The following CLCN1 variants were observed in gnomAD, a reference collection of about 807,000 sequenced individuals.
CLCN1 encodes chloride voltage-gated channel 1, also known as chloride channel protein 1.
In CLCN1, 100 loss-of-function variants were observed where a neutral mutation model predicts 114.5. The observed-to-expected ratio is 0.87, with a 90% CI of 0.74 to 1.03. CLCN1 has a LOEUF of 1.03. CLCN1 is among the 50% of genes least tolerant of loss of function. CLCN1 has a pLI of 0.00. For synonymous variants in CLCN1, 485 were observed against 487.1 expected, an observed-to-expected ratio of 1.00 and a Z score of 0.06; for missense variants, 1,188 against 1,250.0, an observed-to-expected ratio of 0.95 and a Z score of 0.75.
Position 143,327,799 on chromosome 7 carries a change from G to A in CLCN1, c.854-2973G>A, listed in dbSNP as rs113358247. Reference sequence around the variant, plus strand: ...CCTCCCAGCAGCTGGGACTACATGCGCACGCCACTATGCCTGGCTAATTTT... The same window carrying A: ...CCTCCCAGCAGCTGGGACTACATGCACACGCCACTATGCCTGGCTAATTTT... On this transcript the variant is annotated intron_variant, in intron 7 of 22. Coordinates refer to ENST00000343257, the MANE Select transcript of CLCN1 (RefSeq NM_000083.3). 1.9e-4 allele frequency among the ~76,000 whole-genome samples: 29 copies of A among 152,218 alleles called. No homozygotes were observed. In the East Asian group the frequency reaches 3.5e-3, roughly 18 times the overall value.
intron 10 of CLCN1, 45 bp from the exon 11 acceptor site, chr7:143,332,374 T>C (rs1486921199): frequency 1.4e-6 from 2 of 1,425,228 alleles, no homozygotes; most frequent in East Asian, 4.5e-5. Flanking sequence ...TGGTATTTAC[T>C]GTGAGTTGGC....
At chr7:143,345,968 G>A (rs546012950) in intron 17 of CLCN1, among the ~76,000 whole-genome samples, 172 bp from the exon 18 acceptor site, 1 of 152,256 alleles carries the variant, frequency 6.6e-6, no homozygotes, top group African/African-American at 2.4e-5. Context: ...AGGGACTAAA[G>A]AAGATAAGGT....
chr7:143,320,973 T>C (rs924163827), intron 3 of CLCN1, among the ~76,000 whole-genome samples, 178 bp downstream of exon 3: 3 of 152,130 alleles, frequency 2.0e-5, no homozygotes, highest in Non-Finnish European at 4.4e-5. Context: ...CCTGCTCCAC[T>C]TCTCACGCCC....
chr7:143,349,845 AG>A (rs1321312500), intron 20 of CLCN1, among the ~76,000 whole-genome samples: 8 of 152,246 alleles, frequency 5.3e-5, no homozygotes, highest in Admixed American at 3.9e-4. Context: ...ATTTCTGAAA[AG>A]GTGAGACCAG....
In CLCN1 at chr7:143,345,592, G is replaced by C. The variant is rs1032211764; in HGVS notation, c.2002G>C (p.Glu668Gln). The C allele has an allele frequency of 6.4e-7, 1 of 1,552,350 alleles. No individual in the cohort carries two copies. The highest frequency in any genetic ancestry group is 1.4e-5 in the African/African-American group (1 of 73,266). ...CCTCCTGCAGCGCCACCTGTGTCCT[G>C]AGCGCAGGCTGCGCGCAGCCCAAGA... ...QALLQRHLCP[E>Q]RRLRAAQEMA... The change falls in exon 17 of 23, where the codon GAG becomes CAG. Residue 668 changes from glutamate (E) to glutamine (Q), a missense_variant. Transcript: ENST00000343257.
intron 1 of CLCN1, among the ~76,000 whole-genome samples, chr7:143,316,855 A>C (rs1286226666): frequency 6.6e-6 from 1 of 152,262 alleles, no homozygotes; most frequent in African/African-American, 2.4e-5. Flanking sequence ...GAATTGGGCA[A>C]GTGTAGAAAA....
At chr7:143,345,398 C>A in intron 16 of CLCN1, 123 bp from the exon 17 acceptor site, 2 of 1,244,964 alleles carry the variant, frequency 1.6e-6, no homozygotes, top group Non-Finnish European at 2.2e-6. Flanking sequence ...TTCCAGGAAG[C>A]TGAGAAAGAT....
chr7:143,318,808 T>G (rs1802354388), intron 1 of CLCN1, among the ~76,000 whole-genome samples: 2 of 152,184 alleles, frequency 1.3e-5, no homozygotes, highest in African/African-American at 4.8e-5. Flanking sequence ...AAGGAAACAC[T>G]GCCTCCCTCG....
intron 20 of CLCN1, among the ~76,000 whole-genome samples, chr7:143,348,555 GA>G (rs900119440): frequency 2.6e-5 from 4 of 152,050 alleles, no homozygotes; most frequent in African/African-American, 9.7e-5. Context: ...AGACATTTTA[GA>G]GGGATAAGAT....
chr7:143,322,837 C>A (rs540050409), intron 5 of CLCN1, among the ~76,000 whole-genome samples: 12 of 152,244 alleles, frequency 7.9e-5, no homozygotes, highest in African/African-American at 2.4e-4. Context: ...GAACTTCTTG[C>A]GTGGCCTTCG....
intron 16 of CLCN1, 142 bp from the exon 17 acceptor site, chr7:143,345,378 TA>T: frequency 8.8e-7 from 1 of 1,135,018 alleles, no homozygotes. Flanking sequence ...GGAGGATTCT[TA>T]AAATGAGTTT....
chr7:143,318,968 C>T (rs1802358493), intron 1 of CLCN1, among the ~76,000 whole-genome samples: 1 of 152,284 alleles, frequency 6.6e-6, no homozygotes, highest in Admixed American at 6.5e-5. Flanking sequence ...CTGGCCTGAC[C>T]CTGGCCCCAG....
At position 143,350,707 on chromosome 7, in the gene CLCN1, A is replaced by G; in HGVS notation, c.2595+53A>G. The G allele has an allele frequency of 7.6e-7, 1 of 1,316,074 alleles. No individual in the cohort carries two copies. The highest frequency in any genetic ancestry group is 1.1e-6 in the Non-Finnish European group (1 of 909,566). 81.5% of individuals were successfully genotyped at this position (1,316,074 alleles called of 1,614,324 possible). A position where few individuals can be genotyped will look rare whatever the true frequency, so the allele number is the denominator to read the frequency against. ...GCAGGAGGGAGGCTGGGCATAGGAT[A>G]AGGGGATGCAGTGGGGACAGAAGGA... On this transcript the variant is annotated intron_variant, in intron 22 of 22. Coordinates refer to ENST00000343257, the MANE Select transcript of CLCN1 (RefSeq NM_000083.3). This position sits in a 1 kb window ranked among gnomAD's most constrained non-coding sequence, Gnocchi z 5.1.
chr7:143,331,098 A>G (rs903248055), intron 8 of CLCN1, 134 bp from the exon 9 acceptor site: 2 of 1,053,380 alleles, frequency 1.9e-6, no homozygotes, highest in African/African-American at 3.1e-5. Flanking sequence ...TGCGTAGAAA[A>G]AAGGAAAATA....
chr7:143,341,896 C>CT, intron 14 of CLCN1, 33 bp from the exon 15 acceptor site: 1 of 1,576,294 alleles, frequency 6.3e-7, no homozygotes, highest in Non-Finnish European at 8.7e-7. Context: ...AACGGTAGCC[C>CT]TAACCTACAG....
In CLCN1 at chr7:143,316,356, G is replaced by A. The variant is rs560922211; in HGVS notation, c.144G>A (p.Lys48=). ...ENGGLQHRLR[K]DAGPRHNVHP... is the part of the protein sequence containing the mutation. The stretch of plus-strand genomic sequence containing the variant: ...GGGGCCTCCAGCACAGGCTCCGGAA[G>A]GATGCAGGCCCCCGCCACAACGTCC... Residue 48 remains lysine, a synonymous_variant, in exon 1 of 23, where the codon AAG becomes AAA. Transcript: ENST00000343257. 5 of 1,608,928 alleles carry A rather than the reference G, an allele frequency of 3.1e-6. No homozygotes were observed. In the South Asian group the frequency reaches 5.5e-5, roughly 18 times the overall value.
At position 143,317,578 on chromosome 7, in the gene CLCN1, T is replaced by TC. The variant is rs1364403947; in HGVS notation, c.180+1187dup. Among the ~76,000 whole-genome samples the TC allele has an allele frequency of 2.0e-5, 3 of 150,874 alleles. No homozygotes were observed. The East Asian group carries it at 5.8e-4, about 29-fold the overall frequency. On this transcript the variant is annotated intron_variant, in intron 1 of 22. Coordinates refer to ENST00000343257, the MANE Select transcript of CLCN1 (RefSeq NM_000083.3). ...AGAACTTAAAAGGCTTTTTTTTCTT[T>TC]CTTTTTTTTTTTTTTAACAGGGAGC...
intron 7 of CLCN1, among the ~76,000 whole-genome samples, chr7:143,326,572 G>T (rs887690081): frequency 6.6e-6 from 1 of 152,162 alleles, no homozygotes; most frequent in African/African-American, 2.4e-5. Flanking sequence ...GGGACCTTAT[G>T]CTAACCTGCC....
At chr7:143,345,442 T>C in intron 16 of CLCN1, 79 bp from the exon 17 acceptor site, 1 of 1,447,996 alleles carries the variant, frequency 6.9e-7, no homozygotes. Flanking sequence ...GCCTCTCCTG[T>C]TCCTTCTCAG....
Sources: allele counts gnomAD v4.1 joint callset (sites outside exome capture counted in the v4.1 genomes callset), GRCh38; gene constraint gnomAD v4.1.1; non-coding constraint Gnocchi (gnomAD v3.1); transcripts MANE v1.5; gene names NCBI Gene and HGNC (gene_info 2026-07-23, HGNC 2026-07-21).